Variants in SV2C observed in about 807,000 individuals in gnomAD.
The protein encoded by SV2C is synaptic vesicle glycoprotein 2C.
Under a neutral mutation model 79.7 loss-of-function variants are expected in SV2C, and 49 were observed. That is an observed-to-expected ratio of 0.61 (90% CI 0.49 to 0.78). SV2C has a LOEUF of 0.78. SV2C is among the 30% of genes least tolerant of loss of function. SV2C has a pLI of 0.00. For synonymous variants in SV2C, 334 were observed against 333.2 expected, an observed-to-expected ratio of 1.00 and a Z score of -0.03; for missense variants, 833 against 912.9, an observed-to-expected ratio of 0.91 and a Z score of 1.13.
intron 2 of SV2C, among the ~76,000 whole-genome samples, chr5:76,145,589 T>C (rs1416409975): frequency 2.6e-5 from 4 of 152,198 alleles, no homozygotes; most frequent in Non-Finnish European, 5.9e-5. Context: ...TGACGCCACA[T>C]GATGCAAAGG....
At chr5:76,225,292 A>G (rs576365504) in intron 4 of SV2C, among the ~76,000 whole-genome samples, 227 of 152,326 alleles carry the variant, frequency 1.5e-3, no homozygotes, top group African/African-American at 4.9e-3. Flanking sequence ...GCATGCTTCC[A>G]CTTGAGGATA....
At chr5:76,257,124 G>A (rs1026524761) in intron 4 of SV2C, among the ~76,000 whole-genome samples, 3 of 127,922 alleles carry the variant, frequency 2.3e-5, no homozygotes, top group Admixed American at 8.2e-5. Context: ...CAGAGCCACT[G>A]AATTCAGCAA....
chr5:75,864,372 A>G, the SV2C span, among the ~76,000 whole-genome samples: 1 of 151,888 alleles, frequency 6.6e-6, no homozygotes, highest in Non-Finnish European at 1.5e-5. Context: ...AATTAATAGT[A>G]CCTAATAGGT....
At chr5:76,057,606 G>T in the SV2C span, among the ~76,000 whole-genome samples, 3 of 152,108 alleles carry the variant, frequency 2.0e-5, no homozygotes, top group African/African-American at 7.2e-5. Context: ...TTGAATTTTG[G>T]TTCTGCTGTT....
At chr5:76,039,756 CAA>C in the SV2C span, among the ~76,000 whole-genome samples, 37,625 of 119,000 alleles carry the variant, frequency 0.32, 5,431 homozygotes, top group African/African-American at 0.46. Context: ...AACTCCATCT[CAA>C]AAAAAAAAAA....
At chr5:75,968,569 G>T in the SV2C span, among the ~76,000 whole-genome samples, 1 of 152,118 alleles carries the variant, frequency 6.6e-6, no homozygotes, top group African/African-American at 2.4e-5. Flanking sequence ...TGGAAGAAAG[G>T]GTATCAGCAA....
At chr5:75,879,874 T>G in the SV2C span, among the ~76,000 whole-genome samples, 3 of 152,226 alleles carry the variant, frequency 2.0e-5, no homozygotes, top group Non-Finnish European at 4.4e-5. Context: ...ACCCAGGCTT[T>G]TTGATACACC....
the SV2C span, among the ~76,000 whole-genome samples, chr5:76,040,164 A>G: frequency 1.3e-5 from 2 of 152,234 alleles, no homozygotes; most frequent in Non-Finnish European, 1.5e-5. Flanking sequence ...TTAAAAATAA[A>G]GATTAATAAG....
At chr5:76,320,207 T>G (rs989422876) in intron 12 of SV2C, among the ~76,000 whole-genome samples, 2 of 151,160 alleles carry the variant, frequency 1.3e-5, no homozygotes, top group African/African-American at 2.4e-5. Flanking sequence ...AGCTACATAC[T>G]GTGAGGTTTC....
chr5:75,967,526 C>T, the SV2C span, among the ~76,000 whole-genome samples: 1 of 152,198 alleles, frequency 6.6e-6, no homozygotes, highest in Non-Finnish European at 1.5e-5. Context: ...GAGTTTATAT[C>T]CCGCACATGG....
intron 4 of SV2C, among the ~76,000 whole-genome samples, chr5:76,211,710 G>A (rs992567965): frequency 2.0e-5 from 3 of 152,042 alleles, no homozygotes; most frequent in Non-Finnish European, 4.4e-5. Flanking sequence ...AGTTCTGTTA[G>A]GGAACAACCT....
At chr5:76,043,945 T>C in the SV2C span, among the ~76,000 whole-genome samples, 1 of 152,200 alleles carries the variant, frequency 6.6e-6, no homozygotes, top group Non-Finnish European at 1.5e-5. Flanking sequence ...ATGTGCAGCA[T>C]GTGAAGGTTT....
intron 2 of SV2C, among the ~76,000 whole-genome samples, chr5:76,143,186 G>A (rs958539270): frequency 3.3e-5 from 5 of 152,082 alleles, no homozygotes; most frequent in South Asian, 2.1e-4. Context: ...GAGCCACCAC[G>A]CCTGGCTGGC....
chr5:76,337,631 T>C (rs186211581), downstream of SV2C, among the ~76,000 whole-genome samples: 16 of 152,286 alleles, frequency 1.1e-4, no homozygotes, highest in East Asian at 2.9e-3. Context: ...GCTGTGTGCA[T>C]GCATTCACAC....
the SV2C span, among the ~76,000 whole-genome samples, chr5:76,028,851 T>A: frequency 1.3e-5 from 2 of 152,158 alleles, no homozygotes; most frequent in Non-Finnish European, 2.9e-5. Context: ...ACCAAAAATG[T>A]TTCCCAGAAA....
chr5:75,896,185 GT>G, the SV2C span, among the ~76,000 whole-genome samples: 1 of 151,382 alleles, frequency 6.6e-6, no homozygotes, highest in Admixed American at 6.6e-5. Context: ...TCAGCATTAG[GT>G]ATATCTCCTA....
the SV2C span, among the ~76,000 whole-genome samples, chr5:76,072,777 G>C: frequency 6.6e-6 from 1 of 151,998 alleles, no homozygotes. Flanking sequence ...CTATTATTTT[G>C]ATTCTGATTA....
intron 4 of SV2C, among the ~76,000 whole-genome samples, chr5:76,239,868 G>A (rs371668476): frequency 5.6e-4 from 86 of 152,276 alleles, no homozygotes; most frequent in Middle Eastern, 3.4e-3. Flanking sequence ...GATGTGGATC[G>A]CTAGGGGCAT....
At chr5:76,123,250 A>G (rs1431427889) in intron 1 of SV2C, among the ~76,000 whole-genome samples, 2 of 152,176 alleles carry the variant, frequency 1.3e-5, no homozygotes, top group Non-Finnish European at 2.9e-5. Flanking sequence ...TTACCAACCA[A>G]AAAGAGTCCA....
Sources: gnomAD v4.1 joint callset for allele counts (sites outside exome capture counted in the v4.1 genomes callset) on GRCh38, gnomAD v4.1.1 for gene constraint, MANE v1.5 for transcripts, NCBI Gene and HGNC (gene_info 2026-07-23, HGNC 2026-07-21) for gene names.